Variants in BSN observed in about 807,000 individuals in gnomAD.
BSN encodes protein bassoon.
A neutral mutation model predicts 264.8 loss-of-function variants in BSN; 57 were observed. The ratio of observed to expected loss-of-function variants is 0.22; its 90% CI spans 0.17 to 0.27. The LOEUF (loss-of-function observed/expected upper bound fraction) is 0.27. Among genes scored for constraint, BSN ranks in the 10% least tolerant of loss-of-function variants. BSN has a pLI of 1.00. For missense variants in BSN, 4,615 were observed against 5,232.5 expected (o/e 0.88, Z 3.64); for synonymous variants, 2,059 against 2,137.3 (o/e 0.96, Z 1.01).
At chr3:49,578,225 C>G (rs924266208) in intron 1 of BSN, among the ~76,000 whole-genome samples, 7 of 152,116 alleles carry the variant, frequency 4.6e-5, no homozygotes, top group Admixed American at 4.6e-4. Flanking sequence ...TCTCAAACTC[C>G]TGCCCTCAAT....
intron 2 of BSN, among the ~76,000 whole-genome samples, chr3:49,639,895 G>T (rs1223320306): frequency 6.6e-6 from 1 of 152,230 alleles, no homozygotes; most frequent in Non-Finnish European, 1.5e-5. Context: ...GGCACAAGGG[G>T]GTGCTTGCCA....
chr3:49,601,630 C>T (rs759170675), intron 1 of BSN, among the ~76,000 whole-genome samples: 8 of 152,218 alleles, frequency 5.3e-5, no homozygotes, highest in African/African-American at 1.4e-4. Context: ...CTCTGGAGGC[C>T]GTCATTCTTA....
chr3:49,605,373 TA>T (rs2052106022), intron 1 of BSN, among the ~76,000 whole-genome samples: 1 of 73,260 alleles, frequency 1.4e-5, no homozygotes, highest in Non-Finnish European at 2.4e-5. Flanking sequence ...AATATATATT[TA>T]ATATATAAAT....
At position 49,661,108 on chromosome 3, in the gene BSN, C is replaced by A; in HGVS notation, c.9263C>A (p.Thr3088Lys). The change falls in exon 6 of 12, where the codon ACG (threonine) becomes AAG (lysine). Residue 3088 changes from threonine (T) to lysine (K), a missense_variant. By Grantham distance (78) the Thr-to-Lys change is moderately conservative. Around this residue, in one of 3 missense-constraint regions of BSN, gnomAD observed 3,415 missense variants for 3,866.4 expected, o/e 0.88. Coordinates refer to ENST00000296452, the MANE Select transcript of BSN (RefSeq NM_003458.4). ...GCCCCCACCTACCCTGGCCCCAGCA[C>A]GTACCCAGCTCCTGCCTTTCCTCCT... ...HQAPTYPGPS[T>K]YPAPAFPPGA... 1 of 1,612,012 alleles carries A rather than the reference C, an allele frequency of 6.2e-7. No homozygotes were observed. The highest frequency in any genetic ancestry group is 8.5e-7 in the Non-Finnish European group (1 of 1,179,654).
intron 1 of BSN, among the ~76,000 whole-genome samples, chr3:49,574,469 C>T (rs866934627): frequency 2.0e-5 from 3 of 151,846 alleles, no homozygotes; most frequent in Middle Eastern, 3.2e-3. Context: ...CCATGACACC[C>T]CTGACCACAG....
At chr3:49,562,709 G>A (rs766728923) in intron 1 of BSN, among the ~76,000 whole-genome samples, 8 of 152,126 alleles carry the variant, frequency 5.3e-5, no homozygotes, top group Non-Finnish European at 7.3e-5. Context: ...TCACTTCCCC[G>A]CCTCCTCCTC....
At chr3:49,672,930 C>A (rs1194759170), downstream of BSN, among the ~76,000 whole-genome samples, 6 of 151,220 alleles carry the variant, frequency 4.0e-5, no homozygotes, top group African/African-American at 1.5e-4. Context: ...CAGGCGCCTG[C>A]CACCATGCCC....
At chr3:49,606,142 T>TA (rs2052139177) in intron 1 of BSN, among the ~76,000 whole-genome samples, 3 of 48,012 alleles carry the variant, frequency 6.2e-5, no homozygotes, top group Non-Finnish European at 1.0e-4. Flanking sequence ...ATACATATAT[T>TA]ATATATGTAT....
At position 49,663,380 on chromosome 3, in the gene BSN, C is replaced by T; in HGVS notation, c.11222C>T (p.Pro3741Leu). The change falls in exon 7 of 12, where the codon CCC becomes CTC. Residue 3741 changes from proline (P) to leucine (L), a missense_variant. Coordinates refer to ENST00000296452, the MANE Select transcript of BSN (RefSeq NM_003458.4). The stretch of plus-strand genomic sequence containing the variant: ...GCTGCACTGCAGTCAAAGGCAGAAC[C>T]CCAGGCGCAGCCGCAGCTGCAAGGT... The part of the protein sequence containing the change: ...GPAALQSKAE[P>L]QAQPQLQGRQ... The T allele has an allele frequency of 1.2e-6, 2 of 1,613,234 alleles. No homozygotes were observed. The highest frequency in any genetic ancestry group is 1.7e-6 in the Non-Finnish European group (2 of 1,179,998).
At chr3:49,630,416 A>G (rs1318320728) in intron 2 of BSN, among the ~76,000 whole-genome samples, 1 of 152,210 alleles carries the variant, frequency 6.6e-6, no homozygotes, top group Admixed American at 6.5e-5. Context: ...ACTTTGACCT[A>G]AACAGTCTCC....
chr3:49,670,290 C>T lies in BSN; in HGVS notation c.*2805C>T, dbSNP rs896608090. 6 of 152,304 alleles carry T rather than the reference C, an allele frequency of 3.9e-5. No individual in the cohort carries two copies. Among genetic ancestry groups the T allele is most frequent in the African/African-American group, 1.4e-4 (6 of 41,470 alleles). The allele number at this position is 152,304 out of a possible 1,614,324, so 9.4% of individuals were successfully genotyped here. On this transcript the variant is annotated 3_prime_UTR_variant, in exon 12 of 12. Transcript: ENST00000296452. ...GAGACCAAGGCAATAGTCCTTTCCA[C>T]TACAGGCCAGGGGATGGGACAAGAA... is the stretch of plus-strand genomic sequence containing the variant.
chr3:49,637,095 A>G (rs989240784), intron 2 of BSN, among the ~76,000 whole-genome samples: 53 of 152,244 alleles, frequency 3.5e-4, no homozygotes, highest in Non-Finnish European at 1.5e-4. Flanking sequence ...TTCAACTTGT[A>G]CCAAAATGGA....
chr3:49,655,451 C>T lies in BSN; in HGVS notation c.5895C>T (p.Pro1965=), dbSNP rs1267995252. ...CACAGGGGGTGGTGGGGCCTGGGCC[C>T]CATGAGGAGCAGAGGCCCTACCCAC... The part of the protein sequence containing the change: ...YRAQGVVGPG[P]HEEQRPYPQG... Residue 1965 remains proline, a synonymous_variant, in exon 5 of 12, where the codon CCC becomes CCT. Transcript: ENST00000296452. 6.4e-7 allele frequency: 1 copy of T among 1,574,552 alleles called. No homozygotes were observed. Among genetic ancestry groups the T allele is most frequent in the Non-Finnish European group, 8.6e-7 (1 of 1,159,310 alleles).
At chr3:49,577,570 C>T (rs185752824) in intron 1 of BSN, among the ~76,000 whole-genome samples, 7 of 149,994 alleles carry the variant, frequency 4.7e-5, no homozygotes, top group East Asian at 3.9e-4. Context: ...GACAGAGTCT[C>T]GCACTGTCGC....
At chr3:49,659,277 A>G (rs2052634576) in intron 5 of BSN, among the ~76,000 whole-genome samples, 1 of 152,176 alleles carries the variant, frequency 6.6e-6, no homozygotes, top group African/African-American at 2.4e-5. Flanking sequence ...TCAGAGAGGC[A>G]GGGTGGTCCT....
At chr3:49,588,933 GAGAC>G (rs2051955617) in intron 1 of BSN, among the ~76,000 whole-genome samples, 1 of 124,554 alleles carries the variant, frequency 8.0e-6, no homozygotes, top group Non-Finnish European at 1.7e-5. Flanking sequence ...TTTTTTTTTT[GAGAC>G]AGAGTCTCGC....
Position 49,655,083 on chromosome 3 carries a change from C to G in BSN, c.5527C>G (p.Arg1843Gly). Residue 1843 changes from arginine to glycine, a missense_variant, in exon 5 of 12, where the codon CGG becomes GGG. Physicochemically the swap from Arg to Gly is moderately radical, Grantham distance 125. Transcript: ENST00000296452. ...GCCAGAGCCAGGTGCCGAGCCCCAC[C>G]GGGCCACCCCTGCAGAGCTGCGGTC... is the stretch of plus-strand genomic sequence containing the variant. Reference protein sequence around the residue: ...PVPEPGAEPHRATPAELRSHA... With the variant: ...PVPEPGAEPHGATPAELRSHA... 1 of 1,612,916 alleles carries G rather than the reference C, an allele frequency of 6.2e-7. No individual in the cohort carries two copies. The highest frequency in any genetic ancestry group is 8.5e-7 in the Non-Finnish European group (1 of 1,179,998).
At chr3:49,632,633 A>G (rs1307887989) in intron 2 of BSN, among the ~76,000 whole-genome samples, 2 of 152,034 alleles carry the variant, frequency 1.3e-5, no homozygotes, top group Non-Finnish European at 2.9e-5. Flanking sequence ...GTGAAGCCCC[A>G]TCTCTACTAA....
intron 1 of BSN, among the ~76,000 whole-genome samples, chr3:49,595,469 G>A (rs972608120): frequency 3.4e-4 from 52 of 151,856 alleles, no homozygotes; most frequent in Admixed American, 5.9e-4. Flanking sequence ...GATTACAGGC[G>A]TGAGCCACTG....
Sources: gnomAD v4.1 joint callset for allele counts (sites outside exome capture counted in the v4.1 genomes callset) on GRCh38, gnomAD v4.1.1 for gene constraint, gnomAD v4.1.1 regional missense constraint, MANE v1.5 for transcripts, NCBI Gene and HGNC (gene_info 2026-07-23, HGNC 2026-07-21) for gene names.